The following ZNF655 variants were observed in gnomAD, a reference collection of about 807,000 sequenced individuals.
ZNF655 encodes the protein zinc finger protein 655, also known as Vav-interacting Kruppel-like protein 1.
In ZNF655, 3 loss-of-function variants were observed where a neutral mutation model predicts 6.6. The ratio of observed to expected loss-of-function variants is 0.46; its 90% CI spans 0.21 to 1.18. The LOEUF (loss-of-function observed/expected upper bound fraction) is 1.18, where lower values mean the gene tolerates loss of function less well. Ranked by LOEUF, ZNF655 falls within the 50% of genes most tolerant of loss-of-function variation. The probability of loss-of-function intolerance (pLI) is 0.24; values close to 1 mark genes in which losing one functional copy is unlikely to be tolerated. For missense variants in ZNF655, 526 were observed against 572.3 expected (o/e 0.92, Z 0.83); for synonymous variants, 178 against 195.0 (o/e 0.91, Z 0.73).
chr7:99,573,337 G>A lies in ZNF655; in HGVS notation c.1229G>A (p.Cys410Tyr). 1.2e-6 allele frequency: 2 copies of A among 1,614,166 alleles called. No individual in the cohort carries two copies. Among genetic ancestry groups the A allele is most frequent in the South Asian group, 2.2e-5 (2 of 91,082 alleles). ...CACACAGGAGAGAAAGCACATGAAT[G>A]TAATGAATGTGGAAAAGCTTTCAGT... ...RIHTGEKAHE[C>Y]NECGKAFSQT... The change falls in exon 3 of 3, where the codon TGT (cysteine) becomes TAT (tyrosine). Residue 410 changes from cysteine (C) to tyrosine (Y), a missense_variant. Transcript: ENST00000252713.
chr7:99,561,184 G>A (rs1469760718), intron 2 of ZNF655, among the ~76,000 whole-genome samples: 1 of 152,176 alleles, frequency 6.6e-6, no homozygotes, highest in African/African-American at 2.4e-5. Context: ...TTCCTTGGTT[G>A]AACACAATGC....
At chr7:99,566,230 C>T (rs1042142762) in intron 2 of ZNF655, among the ~76,000 whole-genome samples, 15 of 152,124 alleles carry the variant, frequency 9.9e-5, no homozygotes, top group Non-Finnish European at 2.9e-5. Context: ...TTTTTCACTA[C>T]TTTGTGCCCT....
chr7:99,561,852 G>T (rs1029953948), intron 2 of ZNF655: 15 of 1,401,396 alleles, frequency 1.1e-5, no homozygotes, highest in Non-Finnish European at 1.2e-5. Flanking sequence ...CTGGGAAAGG[G>T]CTGCTCTCAC....
At position 99,573,089 on chromosome 7, in the gene ZNF655, GAT is replaced by G; in HGVS notation, c.982_983del (p.Met328AlafsTer3). 1 of 1,614,078 alleles carries G rather than the reference GAT, an allele frequency of 6.2e-7. No homozygotes were observed. Among genetic ancestry groups the G allele is most frequent in the Non-Finnish European group, 8.5e-7 (1 of 1,179,990 alleles). ...CTCAACATCAGAAAATTCACAAAGA[GAT>G]GCCCTGTAAGTGTACTGTATGTGGC... is the stretch of plus-strand genomic sequence containing the variant. ...LTQHQKIHKE[M>X]PCKCTVCGSD... is the part of the protein sequence containing the mutation. On this transcript the variant is annotated frameshift_variant, in exon 3 of 3. Coordinates refer to ENST00000252713, the MANE Select transcript of ZNF655 (RefSeq NM_138494.3). LOFTEE classifies it low-confidence loss of function (END_TRUNC).
Position 99,573,144 on chromosome 7 carries a change from C to T in ZNF655, c.1036C>T (p.Leu346Phe), listed in dbSNP as rs1282825462. Reference sequence around the variant, plus strand: ...TGACTTCTGCCATACTTCATACCTACTTGAACATCAGAGGGTCCATCATGA... The same window carrying T: ...TGACTTCTGCCATACTTCATACCTATTTGAACATCAGAGGGTCCATCATGA... ...GSDFCHTSYL[L>F]EHQRVHHEEK... The change falls in exon 3 of 3, where the codon CTT (leucine) becomes TTT (phenylalanine). Residue 346 changes from leucine (L) to phenylalanine (F), a missense_variant. By Grantham distance (22) the Leu-to-Phe change is conservative. Transcript: ENST00000252713. The T allele has an allele frequency of 1.9e-6, 3 of 1,614,098 alleles. No homozygotes were observed. Among genetic ancestry groups the T allele is most frequent in the Non-Finnish European group, 2.5e-6 (3 of 1,179,998 alleles).
At chr7:99,563,894 T>G in intron 2 of ZNF655, 1 of 1,613,076 alleles carries the variant, frequency 6.2e-7, no homozygotes, top group Non-Finnish European at 8.5e-7. Context: ...CCACCCGGAT[T>G]CATAGTGTGA....
chr7:99,564,816 A>ATGTCGAGTGTGCAGTG, intron 2 of ZNF655: 4 of 566,742 alleles, frequency 7.1e-6, no homozygotes, highest in Non-Finnish European at 8.9e-6. Context: ...TCTGCACTGC[A>ATGTCGAGTGTGCAGTG]CACTCGACAT....
intron 2 of ZNF655, among the ~76,000 whole-genome samples, chr7:99,566,700 A>G (rs923257920): frequency 3.9e-5 from 6 of 152,076 alleles, no homozygotes; most frequent in Admixed American, 1.3e-4. Flanking sequence ...AGCTGGGACT[A>G]TAGGCCTGTA....
intron 2 of ZNF655, among the ~76,000 whole-genome samples, chr7:99,565,800 A>G (rs1480108685): frequency 6.6e-6 from 1 of 152,084 alleles, no homozygotes. Context: ...ATTCTAATTG[A>G]TATTAACTGG....
chr7:99,571,387 A>G, intron 2 of ZNF655: 1 of 1,236,596 alleles, frequency 8.1e-7, no homozygotes, highest in Non-Finnish European at 1.0e-6. Context: ...TAGGTAACAG[A>G]TGGAGAGTGA....
chr7:99,562,219 G>C (rs1410414230), intron 2 of ZNF655: 1 of 1,002,588 alleles, frequency 1.0e-6, no homozygotes, highest in Non-Finnish European at 1.4e-6. Context: ...GATGTTTAAG[G>C]GTTATGGGCT....
In ZNF655 at chr7:99,572,533, C is replaced by T. The variant is rs1804164002; in HGVS notation, c.425C>T (p.Ser142Phe). Residue 142 changes from serine to phenylalanine, a missense_variant, in exon 3 of 3, where the codon TCT (serine) becomes TTT (phenylalanine). Physicochemically the swap from Ser to Phe is radical, Grantham distance 155. Transcript: ENST00000252713. ...HEPEKSFSLDSTIDADQRVLR... is the reference protein window; with the variant it reads ...HEPEKSFSLDFTIDADQRVLR... ...CCCGAAAAAAGCTTCAGTCTGGACTCTACTATTGATGCAGATCAGAGAGTT... is the reference window on the plus strand; with the variant it reads ...CCCGAAAAAAGCTTCAGTCTGGACTTTACTATTGATGCAGATCAGAGAGTT... The T allele has an allele frequency of 1.9e-6, 3 of 1,613,942 alleles. No homozygotes were observed. Among genetic ancestry groups the T allele is most frequent in the African/African-American group, 2.7e-5 (2 of 75,032 alleles).
chr7:99,573,648 C>T lies in ZNF655; in HGVS notation c.*64C>T. On this transcript the variant is annotated 3_prime_UTR_variant, in exon 3 of 3. Coordinates refer to ENST00000252713, the MANE Select transcript of ZNF655 (RefSeq NM_138494.3). ...TTCATTCAGCATCTGAGAGTTCACA[C>T]CAGGGAGAAATCATGTATGTACTGC... 2 of 1,536,738 alleles carry T rather than the reference C, an allele frequency of 1.3e-6. No individual in the cohort carries two copies. Among genetic ancestry groups the T allele is most frequent in the Admixed American group, 1.9e-5 (1 of 53,436 alleles).
chr7:99,571,023 GC>G, intron 2 of ZNF655: 1 of 222,642 alleles, frequency 4.5e-6, no homozygotes, highest in South Asian at 4.8e-5. Context: ...GTTGTTTAGA[GC>G]TGTCTCTGTG....
Position 99,560,571 on chromosome 7 carries a change from A to G in ZNF655, c.12A>G (p.Ile4Met). The change falls in exon 2 of 3, where the codon ATA becomes ATG. Residue 4 changes from isoleucine (I) to methionine (M), a missense_variant. Physicochemically the swap from Ile to Met is conservative, Grantham distance 10. Transcript: ENST00000252713. ...CCTCCAGAGCAGTGATGGAGGAAAT[A>G]CCAGCCCAGGAAGCAGCAGGGTCAC... is the stretch of plus-strand genomic sequence containing the variant. MEE[I>M]PAQEAAGSPR... 2 of 1,614,108 alleles carry G rather than the reference A, an allele frequency of 1.2e-6. No homozygotes were observed. Among genetic ancestry groups the G allele is most frequent in the Non-Finnish European group, 1.7e-6 (2 of 1,179,974 alleles).
chr7:99,561,822 GCCT>G (rs972869623), intron 2 of ZNF655: 19 of 1,117,084 alleles, frequency 1.7e-5, no homozygotes, highest in Middle Eastern at 4.2e-4. Context: ...GGCTGGAGAG[GCCT>G]CCTCTGAAAG....
intron 2 of ZNF655, chr7:99,571,673 C>T (rs771707040): frequency 6.3e-7 from 1 of 1,590,172 alleles, no homozygotes; most frequent in South Asian, 1.1e-5. Context: ...ATCCCATTTC[C>T]TTCTCTATGA....
chr7:99,566,170 A>G (rs186589268), intron 2 of ZNF655, among the ~76,000 whole-genome samples: 85 of 152,316 alleles, frequency 5.6e-4, no homozygotes, highest in African/African-American at 1.9e-3. Flanking sequence ...TGATCTTTGC[A>G]GGATCAGTGA....
chr7:99,565,224 A>G (rs1287753581), intron 2 of ZNF655, among the ~76,000 whole-genome samples: 1 of 151,266 alleles, frequency 6.6e-6, no homozygotes, highest in Non-Finnish European at 1.5e-5. Context: ...GCTGGAGTGC[A>G]GTGGCACCAT....
Sources: allele counts gnomAD v4.1 joint callset (sites outside exome capture counted in the v4.1 genomes callset), GRCh38; gene constraint gnomAD v4.1.1; transcripts MANE v1.5; gene names NCBI Gene and HGNC (gene_info 2026-07-23, HGNC 2026-07-21).